Variants in CACNA1H observed in about 807,000 individuals in gnomAD.
The protein encoded by CACNA1H is voltage-dependent T-type calcium channel subunit alpha-1H.
A neutral mutation model predicts 192.5 loss-of-function variants in CACNA1H; 149 were observed. The observed-to-expected ratio is 0.77, with a 90% CI of 0.68 to 0.89. CACNA1H has a LOEUF of 0.89. Among genes scored for constraint, CACNA1H ranks in the 40% least tolerant of loss-of-function variants. The pLI is 0.00. For synonymous variants in CACNA1H, 2,202 were observed against 1,475.2 expected (o/e 1.49, Z -11.29); for missense variants, 4,257 against 3,423.5 (o/e 1.24, Z -6.08).
chr16:1,213,770 C>T lies in CACNA1H; in HGVS notation c.4778-10C>T, dbSNP rs746124764. ...CTCCTGCCCGGCGCTCATGGCCGCC[C>T]TCCCCGCAGAGGCCCAGCGCCGGCC... On this transcript the variant is annotated splice_polypyrimidine_tract_variant and intron_variant, in intron 26 of 34. Coordinates refer to ENST00000348261, the MANE Select transcript of CACNA1H (RefSeq NM_021098.3). The T allele has an allele frequency of 6.5e-7, 1 of 1,540,368 alleles. No homozygotes were observed. The highest frequency in any genetic ancestry group is 1.2e-5 in the South Asian group (1 of 83,814).
At position 1,200,558 on chromosome 16, in the gene CACNA1H, T is replaced by A; in HGVS notation, c.1106T>A (p.Ile369Asn). 2.5e-6 allele frequency: 4 copies of A among 1,612,028 alleles called. No homozygotes were observed. The highest frequency in any genetic ancestry group is 3.4e-6 in the Non-Finnish European group (4 of 1,179,662). The part of the protein sequence containing the change: ...INFDNIGYAW[I>N]AIFQVITLEG... ...TTCGACAACATCGGCTACGCCTGGA[T>A]TGCCATCTTCCAGGTGGGCGGCAAG... The change falls in exon 7 of 35, where the codon ATT becomes AAT. Residue 369 changes from isoleucine to asparagine, a missense_variant. By Grantham distance (149) the Ile-to-Asn change is moderately radical (BLOSUM62 -3). Coordinates refer to ENST00000348261, the MANE Select transcript of CACNA1H (RefSeq NM_021098.3).
In CACNA1H at chr16:1,201,777, A is replaced by G. The variant is rs748470356; in HGVS notation, c.1327A>G (p.Asn443Asp). Residue 443 changes from asparagine to aspartate, a missense_variant, in exon 9 of 35, where the codon AAC (asparagine) becomes GAC (aspartate). Physicochemically the swap from Asn to Asp is conservative, Grantham distance 23 (BLOSUM62 1). Transcript: ENST00000348261. ...MREQRARHLSNDSTLASFSEP... is the reference protein window; with the variant it reads ...MREQRARHLSDDSTLASFSEP... ...GGAGCAGCGGGCACGCCACCTGTCC[A>G]ACGACAGCACGCTGGCCAGCTTCTC... 6.2e-7 allele frequency: 1 copy of G among 1,604,038 alleles called. No individual in the cohort carries two copies. The highest frequency in any genetic ancestry group is 8.5e-7 in the Non-Finnish European group (1 of 1,176,336).
In CACNA1H at chr16:1,179,986, C is replaced by T. The variant is rs1251540034; in HGVS notation, c.300-14986C>T. Among the ~76,000 whole-genome samples the T allele has an allele frequency of 6.6e-5, 10 of 152,332 alleles. No individual in the cohort carries two copies. In the South Asian group the frequency reaches 8.3e-4, roughly 13 times the overall value. On this transcript the variant is annotated intron_variant, in intron 2 of 34. Coordinates refer to ENST00000348261, the MANE Select transcript of CACNA1H (RefSeq NM_021098.3). ...TCCTGACCTCATGATCCACCTGCCT[C>T]GGCCTCCAAAAGTGCTGGGATAACA...
chr16:1,165,415 G>A (rs767829208), intron 2 of CACNA1H, among the ~76,000 whole-genome samples: 1 of 152,210 alleles, frequency 6.6e-6, no homozygotes, highest in Non-Finnish European at 1.5e-5. Flanking sequence ...ACCTTCCGTG[G>A]AAATCTGGGT....
intron 2 of CACNA1H, among the ~76,000 whole-genome samples, chr16:1,188,767 C>T (rs1401639244): frequency 3.9e-5 from 6 of 152,194 alleles, no homozygotes; most frequent in South Asian, 4.1e-4. Flanking sequence ...TCTGTGTTTC[C>T]GGCCAGGAGG....
chr16:1,171,145 C>T (rs1373387872), intron 2 of CACNA1H, among the ~76,000 whole-genome samples: 1 of 152,198 alleles, frequency 6.6e-6, no homozygotes, highest in Admixed American at 6.5e-5. Context: ...CCCACCCGCA[C>T]CCCTGGGGTG....
At chr16:1,172,986 G>C (rs1175889592) in intron 2 of CACNA1H, among the ~76,000 whole-genome samples, 2 of 152,104 alleles carry the variant, frequency 1.3e-5, no homozygotes, top group East Asian at 3.9e-4. Context: ...CTGCCTGGGA[G>C]GGAGGGGAGG....
chr16:1,216,447 C>T (rs1159090133), intron 30 of CACNA1H, among the ~76,000 whole-genome samples: 3 of 152,200 alleles, frequency 2.0e-5, no homozygotes, highest in African/African-American at 7.2e-5. Context: ...GGGTGGCTCA[C>T]AAGAGAGCCG....
chr16:1,213,893 G>A lies in CACNA1H; in HGVS notation c.4891G>A (p.Val1631Ile), dbSNP rs777694920. The change falls in exon 27 of 35, where the codon GTC (valine) becomes ATC (isoleucine). Residue 1631 changes from valine (V) to isoleucine (I), a missense_variant. Val to Ile is a conservative substitution (Grantham distance 29). Coordinates refer to ENST00000348261, the MANE Select transcript of CACNA1H (RefSeq NM_021098.3). ...LFITFIICVN[V>I]ITMSMEHYNQ... ...CATCACCTTCATCATCTGTGTCAAC[G>A]TCATCACCATGTCCATGGAGCACTA... The A allele has an allele frequency of 8.1e-6, 13 of 1,611,804 alleles. No homozygotes were observed. The highest frequency in any genetic ancestry group is 2.2e-5 in the South Asian group (2 of 90,698).
In CACNA1H at chr16:1,209,026, C is replaced by A. The variant is rs1224024784; in HGVS notation, c.3364-6C>A. The A allele has an allele frequency of 2.7e-6, 4 of 1,499,432 alleles. No homozygotes were observed. Among genetic ancestry groups the A allele is most frequent in the Non-Finnish European group, 3.5e-6 (4 of 1,132,364 alleles). 92.9% of individuals were successfully genotyped at this position (1,499,432 alleles called of 1,614,324 possible). A position where few individuals can be genotyped will look rare whatever the true frequency, so the allele number is the denominator to read the frequency against. On this transcript the variant is annotated splice_region_variant and splice_polypyrimidine_tract_variant and intron_variant, in intron 16 of 34. Coordinates refer to ENST00000348261, the MANE Select transcript of CACNA1H (RefSeq NM_021098.3). ...CACCAGGTCACTGACTCCCGCCACCCCCCAGGCCAGCCTCCGAAGTTCTCC... is the reference window on the plus strand; with the variant it reads ...CACCAGGTCACTGACTCCCGCCACCACCCAGGCCAGCCTCCGAAGTTCTCC...
At chr16:1,201,414 C>T (rs1308014150) in intron 8 of CACNA1H, among the ~76,000 whole-genome samples, 2 of 152,108 alleles carry the variant, frequency 1.3e-5, no homozygotes, top group African/African-American at 4.8e-5. Flanking sequence ...GGGGCCGAGC[C>T]ACATGGAGAA....
At chr16:1,206,756 C>T (rs548964024) in intron 12 of CACNA1H, 21 of 509,972 alleles carry the variant, frequency 4.1e-5, no homozygotes, top group African/African-American at 7.7e-5. Flanking sequence ...TGGCTTCCCT[C>T]TGTCTGTCCC....
chr16:1,187,452 G>A (rs1400033154), intron 2 of CACNA1H, among the ~76,000 whole-genome samples: 1 of 152,262 alleles, frequency 6.6e-6, no homozygotes, highest in Non-Finnish European at 1.5e-5. Context: ...CCTTCCTGCT[G>A]TGGGTGCCTT....
rs1969499215 is a variant in CACNA1H, at chr16:1,211,940, C to CCA, written c.4567-3_4567-2dup. On this transcript the variant is annotated splice_polypyrimidine_tract_variant and splice_region_variant and intron_variant, in intron 24 of 34. Transcript: ENST00000348261. ...CGGGCGGGGACCCACCGCCTCTGTGCCACAGCCTGTGCAGAACCACAACCC... is the reference window on the plus strand; with the variant it reads ...CGGGCGGGGACCCACCGCCTCTGTGCCACACAGCCTGTGCAGAACCACAACCC... 6.2e-7 allele frequency: 1 copy of CCA among 1,613,056 alleles called. No individual in the cohort carries two copies. Among genetic ancestry groups the CCA allele is most frequent in the Non-Finnish European group, 8.5e-7 (1 of 1,179,624 alleles).
Position 1,210,957 on chromosome 16 carries a change from C to G in CACNA1H, c.4209C>G (p.Thr1403=). 6.3e-7 allele frequency: 1 copy of G among 1,596,282 alleles called. No homozygotes were observed. The highest frequency in any genetic ancestry group is 8.5e-7 in the Non-Finnish European group (1 of 1,176,878). Residue 1403 remains threonine (T), a synonymous_variant, in exon 21 of 35, where the codon ACC becomes ACG. Coordinates refer to ENST00000348261, the MANE Select transcript of CACNA1H (RefSeq NM_021098.3). ...TGCGCGTGCTGCGTCTGCTGCGGAC[C>G]CTGCGGCCTCTGAGGTGGGGGGCTC... The part of the protein sequence containing the change: ...GVLRVLRLLR[T]LRPLRVISRA...
chr16:1,163,170 A>G (rs893580223), intron 2 of CACNA1H, among the ~76,000 whole-genome samples: 2 of 152,136 alleles, frequency 1.3e-5, no homozygotes, highest in Non-Finnish European at 2.9e-5. Context: ...GGGTCCGGAG[A>G]GGCGACAGCC....
In CACNA1H at chr16:1,221,032, G is replaced by T; in HGVS notation, c.*38G>T. 1 of 1,493,424 alleles carries T rather than the reference G, an allele frequency of 6.7e-7. No individual in the cohort carries two copies. The highest frequency in any genetic ancestry group is 1.4e-5 in the South Asian group (1 of 73,538). The allele number at this position is 1,493,424 out of a possible 1,614,324, so 92.5% of individuals were successfully genotyped here. ...TGCCGCCCACGGCTTTGGCCCTGGGGTCTGGGGGCCCCGCTGGGGTGGAGG... is the reference window on the plus strand; with the variant it reads ...TGCCGCCCACGGCTTTGGCCCTGGGTTCTGGGGGCCCCGCTGGGGTGGAGG... On this transcript the variant is annotated 3_prime_UTR_variant, in exon 35 of 35. Transcript: ENST00000348261.
In CACNA1H at chr16:1,202,143, G is replaced by A. The variant is rs776058661; in HGVS notation, c.1693G>A (p.Gly565Arg). ...APPSPPSPGR[G>R]PPDAESVHSI... is the part of the protein sequence containing the mutation. ...CCCCTCGCCACCTTCCCCAGGCCGCGGACCCCCCGACGCAGAGTCTGTGCA... is the reference window on the plus strand; with the variant it reads ...CCCCTCGCCACCTTCCCCAGGCCGCAGACCCCCCGACGCAGAGTCTGTGCA... Residue 565 changes from glycine (G) to arginine (R), a missense_variant, in exon 9 of 35, where the codon GGA (glycine) becomes AGA (arginine). Gly to Arg is a moderately radical substitution (Grantham distance 125). Coordinates refer to ENST00000348261, the MANE Select transcript of CACNA1H (RefSeq NM_021098.3). 162 of 1,549,222 alleles carry A rather than the reference G, an allele frequency of 1.0e-4. No homozygotes were observed. The highest frequency in any genetic ancestry group is 1.7e-4 in the Middle Eastern group (1 of 5,990).
In CACNA1H at chr16:1,201,871, G is replaced by A. The variant is rs769636919; in HGVS notation, c.1421G>A (p.Arg474His). Reference sequence around the variant, plus strand: ...CACATATTCCGCAAGGTCAAGCGGCGCAGCTTGCGCCTCTACGCCCGCTGG... The same window carrying A: ...CACATATTCCGCAAGGTCAAGCGGCACAGCTTGCGCCTCTACGCCCGCTGG... Reference protein sequence around the residue: ...VGHIFRKVKRRSLRLYARWQS... With the variant: ...VGHIFRKVKRHSLRLYARWQS... Residue 474 changes from arginine to histidine, a missense_variant, in exon 9 of 35, where the codon CGC becomes CAC. Coordinates refer to ENST00000348261, the MANE Select transcript of CACNA1H (RefSeq NM_021098.3). The A allele has an allele frequency of 1.6e-5, 25 of 1,555,212 alleles. No homozygotes were observed. The highest frequency in any genetic ancestry group is 3.4e-4 in the Middle Eastern group (2 of 5,916).
Sources: gnomAD v4.1 joint callset for allele counts (sites outside exome capture counted in the v4.1 genomes callset) on GRCh38, gnomAD v4.1.1 for gene constraint, MANE v1.5 for transcripts, NCBI Gene and HGNC (gene_info 2026-07-23, HGNC 2026-07-21) for gene names.